Variants in SLC2A9 observed in about 807,000 individuals in gnomAD.
SLC2A9 encodes the protein solute carrier family 2, facilitated glucose transporter member 9.
Under a neutral mutation model 50.6 loss-of-function variants are expected in SLC2A9, and 39 were observed. The observed-to-expected ratio is 0.77, with a 90% CI of 0.60 to 1.01. The LOEUF is 1.01. SLC2A9 is among the 50% of genes least tolerant of loss of function. SLC2A9 has a pLI of 0.00. For synonymous variants in SLC2A9, 324 were observed against 276.9 expected (o/e 1.17, Z -1.69); for missense variants, 686 against 677.6 (o/e 1.01, Z -0.14).
chr4:9,774,450 C>T (rs924654308), intron 1 of SLC2A9, among the ~76,000 whole-genome samples: 8 of 152,198 alleles, frequency 5.3e-5, no homozygotes, highest in Non-Finnish European at 1.2e-4. Context: ...TGGTGAATTC[C>T]ACTTTGCCCT....
chr4:9,876,243 C>T (rs568274674), intron 10 of SLC2A9, among the ~76,000 whole-genome samples: 1 of 152,174 alleles, frequency 6.6e-6, no homozygotes, highest in African/African-American at 2.4e-5. Context: ...TCCCAAGGGG[C>T]CTCCATCTCT....
At chr4:10,004,474 G>A (rs574038922) in intron 2 of SLC2A9, among the ~76,000 whole-genome samples, 7 of 152,176 alleles carry the variant, frequency 4.6e-5, no homozygotes, top group South Asian at 2.1e-4. Flanking sequence ...CCTGCTCCAC[G>A]CTTGCTCCTG....
intron 10 of SLC2A9, among the ~76,000 whole-genome samples, chr4:9,862,460 T>C (rs1296760252): frequency 6.6e-6 from 1 of 152,106 alleles, no homozygotes; most frequent in African/African-American, 2.4e-5. Flanking sequence ...GAAATATACA[T>C]GTTAATAAAC....
intron 4 of SLC2A9, among the ~76,000 whole-genome samples, chr4:9,982,351 A>G (rs1756025069): frequency 6.6e-6 from 1 of 152,204 alleles, no homozygotes; most frequent in African/African-American, 2.4e-5. Context: ...CGTGACTCCA[A>G]CAGGCCACGT....
intron 10 of SLC2A9, among the ~76,000 whole-genome samples, chr4:9,840,632 G>C (rs552505372): frequency 2.8e-4 from 43 of 152,234 alleles, no homozygotes; most frequent in Non-Finnish European, 5.7e-4. Flanking sequence ...GTTCTGTGAA[G>C]AAGATTGGGG....
intron 5 of SLC2A9, among the ~76,000 whole-genome samples, chr4:9,965,674 T>C (rs566731750): frequency 1.8e-4 from 28 of 152,352 alleles, no homozygotes; most frequent in African/African-American, 6.5e-4. Context: ...GAAAACATTG[T>C]TCTAAATAAT....
At chr4:9,847,768 T>C (rs1341202407) in intron 10 of SLC2A9, among the ~76,000 whole-genome samples, 1 of 152,220 alleles carries the variant, frequency 6.6e-6, no homozygotes, top group African/African-American at 2.4e-5. Context: ...ACTTTCTATG[T>C]GTTCTTGAAA....
intron 11 of SLC2A9, 129 bp from the exon 12 acceptor site, chr4:9,826,729 T>A: frequency 1.2e-6 from 1 of 846,336 alleles, no homozygotes. Context: ...ACACCATGTG[T>A]GATGCTGGCT....
intron 3 of SLC2A9, among the ~76,000 whole-genome samples, chr4:9,785,805 T>C (rs1719142290): frequency 6.6e-6 from 1 of 152,208 alleles, no homozygotes; most frequent in African/African-American, 2.4e-5. Flanking sequence ...CTGTACTATA[T>C]TGCACTGCAT....
chr4:9,808,295 C>T lies in SLC2A9; in HGVS notation n.421-9054G>A, dbSNP rs1047012263. On this transcript the variant is annotated intron_variant and non_coding_transcript_variant, in intron 3 of 3. Coordinates refer to the SLC2A9 transcript ENST00000503280. ...GGGCCAGCCCCAGTTCACCCTGGTA[C>T]CCTAGGTAATTAATCACACACTCTA... Among the ~76,000 whole-genome samples, 11 of 152,312 alleles carry T rather than the reference C, an allele frequency of 7.2e-5. No individual in the cohort carries two copies. In the Middle Eastern group the frequency reaches 0.014, roughly 188 times the overall value.
At chr4:9,987,677 T>G (rs1221161895) in intron 3 of SLC2A9, among the ~76,000 whole-genome samples, 1 of 152,112 alleles carries the variant, frequency 6.6e-6, no homozygotes, top group Non-Finnish European at 1.5e-5. Context: ...GCTATTATAC[T>G]CATTATATAA....
intron 3 of SLC2A9, among the ~76,000 whole-genome samples, chr4:9,799,691 T>A (rs1721067290): frequency 2.4e-5 from 1 of 41,368 alleles, no homozygotes; most frequent in South Asian, 8.8e-4. Flanking sequence ...ATTCCAATTG[T>A]ACCCCCCCCC....
downstream of SLC2A9, among the ~76,000 whole-genome samples, chr4:9,825,948 G>C (rs2109073344): frequency 6.6e-6 from 1 of 152,328 alleles, no homozygotes. Context: ...TTGAGGGCAG[G>C]TCAAGGCTGC....
At chr4:10,001,548 G>A (rs1759805958) in intron 2 of SLC2A9, among the ~76,000 whole-genome samples, 1 of 152,190 alleles carries the variant, frequency 6.6e-6, no homozygotes, top group South Asian at 2.1e-4. Flanking sequence ...TGTTACAGCA[G>A]CTCTAGAAAA....
chr4:9,860,369 C>T (rs997594279), intron 10 of SLC2A9, among the ~76,000 whole-genome samples: 6 of 152,182 alleles, frequency 3.9e-5, no homozygotes, highest in African/African-American at 7.2e-5. Context: ...AGTGGTGAAG[C>T]GACAGACCTG....
upstream of SLC2A9, among the ~76,000 whole-genome samples, chr4:10,023,474 A>G (rs1401569155): frequency 6.6e-6 from 1 of 152,234 alleles, no homozygotes; most frequent in African/African-American, 2.4e-5. Flanking sequence ...AGATTTTGCT[A>G]AAGCTCAAAT....
At chr4:9,914,239 G>C (rs1286486039) in intron 7 of SLC2A9, among the ~76,000 whole-genome samples, 2 of 152,206 alleles carry the variant, frequency 1.3e-5, no homozygotes, top group African/African-American at 4.8e-5. Flanking sequence ...CGAGAGGTGA[G>C]AGGAAATGGG....
At chr4:9,954,801 C>T (rs1175573403) in intron 5 of SLC2A9, among the ~76,000 whole-genome samples, 1 of 152,110 alleles carries the variant, frequency 6.6e-6, no homozygotes, top group African/African-American at 2.4e-5. Flanking sequence ...TGTCAGGTGG[C>T]CATCAGGTGA....
At chr4:10,009,342 T>C (rs1761367546) in intron 2 of SLC2A9, 1 of 152,196 alleles carries the variant, frequency 6.6e-6, no homozygotes, top group Non-Finnish European at 1.5e-5. Flanking sequence ...GAACTTGCTT[T>C]TGGGTTCTCT....
Sources: gnomAD v4.1 joint callset for allele counts (sites outside exome capture counted in the v4.1 genomes callset) on GRCh38, gnomAD v4.1.1 for gene constraint, MANE v1.5 for transcripts, NCBI Gene and HGNC (gene_info 2026-07-23, HGNC 2026-07-21) for gene names.